Variants in MMRN1 observed in about 807,000 individuals in gnomAD.
MMRN1 encodes the protein multimerin-1.
A neutral mutation model predicts 100.7 loss-of-function variants in MMRN1; 94 were observed. That is an observed-to-expected ratio of 0.93 (90% CI 0.79 to 1.11). The LOEUF (loss-of-function observed/expected upper bound fraction) is 1.11. Among genes scored for constraint, MMRN1 ranks in the 50% least tolerant of loss-of-function variants. The pLI is 0.00. For missense variants in MMRN1, 1,606 were observed against 1,439.1 expected (o/e 1.12, Z -1.88); for synonymous variants, 575 against 505.0 (o/e 1.14, Z -1.86).
At position 89,895,021 on chromosome 4, in the gene MMRN1, G is replaced by A; in HGVS notation, c.50G>A (p.Gly17Asp). ...FVLLSSLWSG[G>D]IGLNNSKHSW... ...CTTCTTTCTAGTTTATGGAGTGGGG[G>A]CATTGGGCTTAACAACAGTAAGCAT... The change falls in exon 1 of 8, where the codon GGC becomes GAC. Residue 17 changes from glycine (G) to aspartate (D), a missense_variant. Physicochemically the swap from Gly to Asp is moderately conservative, Grantham distance 94. Coordinates refer to ENST00000264790, the MANE Select transcript of MMRN1 (RefSeq NM_007351.3). 2 of 1,613,810 alleles carry A rather than the reference G, an allele frequency of 1.2e-6. No individual in the cohort carries two copies. Among genetic ancestry groups the A allele is most frequent in the Non-Finnish European group, 1.7e-6 (2 of 1,179,810 alleles).
At chr4:89,923,354 A>G (rs1345621056) in intron 4 of MMRN1, 82 bp downstream of exon 4, 65 of 1,228,530 alleles carry the variant, frequency 5.3e-5, no homozygotes, top group Non-Finnish European at 6.9e-5. Context: ...GAAATCTCTT[A>G]GTTGTCAAAT....
Position 89,953,430 on chromosome 4 carries a change from A to G in MMRN1, c.*12A>G. 6.4e-7 allele frequency: 1 copy of G among 1,565,582 alleles called. No homozygotes were observed. The highest frequency in any genetic ancestry group is 8.6e-7 in the Non-Finnish European group (1 of 1,158,922). On this transcript the variant is annotated 3_prime_UTR_variant, in exon 8 of 8. Transcript: ENST00000264790. ...TATATCGTACATAAGTTAGTATGAA[A>G]AACAGACTATCACCTTTATTGAGAA...
intron 6 of MMRN1, among the ~76,000 whole-genome samples, chr4:89,946,141 T>C (rs1039112809): frequency 1.8e-4 from 27 of 152,182 alleles, no homozygotes; most frequent in Non-Finnish European, 3.8e-4. Context: ...GCACTGAAAC[T>C]TAAGAATGTG....
At chr4:89,933,461 G>A (rs1722504835) in intron 5 of MMRN1, among the ~76,000 whole-genome samples, 1 of 152,046 alleles carries the variant, frequency 6.6e-6, no homozygotes, top group Admixed American at 6.6e-5. Context: ...CACTCTGTTG[G>A]TAAAAGCTAT....
intron 3 of MMRN1, 71 bp downstream of exon 3, chr4:89,912,121 T>C (rs1721773817): frequency 2.7e-6 from 3 of 1,111,434 alleles, no homozygotes; most frequent in South Asian, 3.4e-5. Flanking sequence ...AAGAATAGCA[T>C]TTCCCCTTTT....
At chr4:89,937,319 T>C (rs1722678580) in intron 6 of MMRN1, among the ~76,000 whole-genome samples, 1 of 151,886 alleles carries the variant, frequency 6.6e-6, no homozygotes, top group African/African-American at 2.4e-5. Context: ...TGTCTGAAAA[T>C]TGGTATCAGT....
intron 6 of MMRN1, among the ~76,000 whole-genome samples, chr4:89,947,140 G>T (rs910001874): frequency 7.2e-5 from 11 of 152,146 alleles, no homozygotes; most frequent in African/African-American, 2.7e-4. Flanking sequence ...AAAATAGCCT[G>T]GCATGGTGGT....
chr4:89,886,169 G>A (rs1720933364), intron 1 of MMRN1, among the ~76,000 whole-genome samples: 2 of 151,274 alleles, frequency 1.3e-5, no homozygotes, highest in Admixed American at 1.3e-4. Flanking sequence ...AAGATTACAA[G>A]CGTGAACCAC....
intron 1 of MMRN1, among the ~76,000 whole-genome samples, chr4:89,903,623 C>A (rs946348711): frequency 1.3e-5 from 2 of 151,730 alleles, no homozygotes; most frequent in African/African-American, 4.8e-5. Flanking sequence ...GCAGTGATAG[C>A]AGCAAATATT....
rs1285256374 is a variant in MMRN1 at position 89,895,563 on chromosome 4, C to G, written c.592C>G (p.Gln198Glu). The G allele has an allele frequency of 1.2e-6, 2 of 1,613,318 alleles. No individual in the cohort carries two copies. The highest frequency in any genetic ancestry group is 1.7e-6 in the Non-Finnish European group (2 of 1,179,714). The change falls in exon 1 of 8, where the codon CAA becomes GAA. Residue 198 changes from glutamine to glutamate, a missense_variant. Coordinates refer to ENST00000264790, the MANE Select transcript of MMRN1 (RefSeq NM_007351.3). ...DSSSSQRTDYQKSNFETTRGK... is the reference protein window; with the variant it reads ...DSSSSQRTDYEKSNFETTRGK... Reference sequence around the variant, plus strand: ...CAGTTCCAGCCAAAGAACTGACTACCAAAAATCAAATTTCGAAACAACTAG... The same window carrying G: ...CAGTTCCAGCCAAAGAACTGACTACGAAAAATCAAATTTCGAAACAACTAG...
At chr4:89,939,275 TC>T (rs1393660597) in intron 6 of MMRN1, among the ~76,000 whole-genome samples, 2 of 152,224 alleles carry the variant, frequency 1.3e-5, no homozygotes, top group East Asian at 3.9e-4. Context: ...TAATTTATCA[TC>T]ATCTTATGAA....
chr4:89,905,463 A>G (rs1285479475), intron 1 of MMRN1, among the ~76,000 whole-genome samples: 3 of 151,476 alleles, frequency 2.0e-5, no homozygotes, highest in African/African-American at 4.8e-5. Context: ...ATATGTTGTC[A>G]TTTGCAAACT....
intron 3 of MMRN1, 67 bp from the exon 4 acceptor site, chr4:89,923,101 C>A: frequency 1.6e-6 from 2 of 1,268,374 alleles, no homozygotes; most frequent in South Asian, 1.3e-5. Flanking sequence ...AATTATTGTT[C>A]AGGACTGGAA....
At chr4:89,943,244 C>G (rs899066811) in intron 6 of MMRN1, among the ~76,000 whole-genome samples, 1 of 152,166 alleles carries the variant, frequency 6.6e-6, no homozygotes, top group Non-Finnish European at 1.5e-5. Flanking sequence ...AAATCATCAT[C>G]TGAATAATAA....
chr4:89,926,032 G>A (rs972914600), intron 4 of MMRN1, among the ~76,000 whole-genome samples: 20 of 152,078 alleles, frequency 1.3e-4, no homozygotes, highest in Non-Finnish European at 2.2e-4. Context: ...ATCTGTTGAT[G>A]GTCATGTATG....
intron 6 of MMRN1, among the ~76,000 whole-genome samples, chr4:89,937,889 T>C (rs1722696218): frequency 6.6e-6 from 1 of 152,036 alleles, no homozygotes; most frequent in Non-Finnish European, 1.5e-5. Flanking sequence ...GCATATAAAT[T>C]GCATAATAGT....
At chr4:89,891,592 T>G (rs770224924), upstream of MMRN1, among the ~76,000 whole-genome samples, 24 of 152,206 alleles carry the variant, frequency 1.6e-4, no homozygotes, top group Middle Eastern at 3.4e-3. Context: ...CTCATCAAAA[T>G]CATGCAGAAA....
intron 6 of MMRN1, among the ~76,000 whole-genome samples, chr4:89,943,679 T>A (rs1722899694): frequency 6.6e-6 from 1 of 152,146 alleles, no homozygotes; most frequent in African/African-American, 2.4e-5. Flanking sequence ...AGCTTTGTAA[T>A]TTTTTGTTCT....
Position 89,953,265 on chromosome 4 carries a change from C to G in MMRN1, c.3534C>G (p.Asn1178Lys). The G allele has an allele frequency of 6.2e-7, 1 of 1,613,870 alleles. No homozygotes were observed. The highest frequency in any genetic ancestry group is 8.5e-7 in the Non-Finnish European group (1 of 1,179,854). ...TTGCATTTGAGTCTGAAAATATTAA[C>G]AGTGAAATACACTGTGATAGGGTTT... Reference protein sequence around the residue: ...DKLAFESENINSEIHCDRVLT... With the variant: ...DKLAFESENIKSEIHCDRVLT... Residue 1178 changes from asparagine to lysine, a missense_variant, in exon 8 of 8, where the codon AAC becomes AAG. Asn to Lys is a moderately conservative substitution (Grantham distance 94). Coordinates refer to ENST00000264790, the MANE Select transcript of MMRN1 (RefSeq NM_007351.3).
Sources: gnomAD v4.1 joint callset for allele counts (sites outside exome capture counted in the v4.1 genomes callset) on GRCh38, gnomAD v4.1.1 for gene constraint, MANE v1.5 for transcripts, NCBI Gene and HGNC (gene_info 2026-07-23, HGNC 2026-07-21) for gene names.